IMMP2L: variants seen among roughly 807,000 people sequenced by gnomAD.
IMMP2L encodes the protein inner mitochondrial membrane peptidase subunit 2.
IMMP2L carries 18 observed loss-of-function variants against 19.3 expected under a neutral mutation model. That is an observed-to-expected ratio of 0.93 (90% CI 0.64 to 1.38). IMMP2L has a LOEUF of 1.38. Ranked by LOEUF, IMMP2L falls within the 40% of genes most tolerant of loss-of-function variation. The pLI is 0.00. For synonymous variants in IMMP2L, 76 were observed against 73.0 expected (o/e 1.04, Z -0.21); for missense variants, 233 against 218.2 (o/e 1.07, Z -0.43).
intron 5 of IMMP2L, among the ~76,000 whole-genome samples, chr7:110,738,721 C>T (rs1351525017): frequency 6.6e-6 from 1 of 152,180 alleles, no homozygotes; most frequent in African/African-American, 2.4e-5. Context: ...GCTCAAAGAA[C>T]ACCTGGGAAA....
intron 5 of IMMP2L, among the ~76,000 whole-genome samples, chr7:110,822,567 C>T (rs920978997): frequency 6.6e-6 from 1 of 152,132 alleles, no homozygotes; most frequent in Non-Finnish European, 1.5e-5. Flanking sequence ...ATTATCCATT[C>T]TTTCTTGTAC....
At chr7:111,357,405 A>C (rs1828826492) in intron 3 of IMMP2L, among the ~76,000 whole-genome samples, 1 of 152,164 alleles carries the variant, frequency 6.6e-6, no homozygotes. Context: ...TATAAAGTAG[A>C]ATTAACTATC....
chr7:110,807,785 T>C (rs1231627935), intron 5 of IMMP2L, among the ~76,000 whole-genome samples: 1 of 152,060 alleles, frequency 6.6e-6, no homozygotes, highest in African/African-American at 2.4e-5. Flanking sequence ...CAATTCTGTA[T>C]GCAAATCTTG....
At chr7:111,196,900 C>T (rs1472312391) in intron 3 of IMMP2L, among the ~76,000 whole-genome samples, 1 of 152,166 alleles carries the variant, frequency 6.6e-6, no homozygotes, top group African/African-American at 2.4e-5. Flanking sequence ...AATTGACTCA[C>T]TGGTTCTCAG....
chr7:110,860,100 A>C (rs546180391), intron 5 of IMMP2L, among the ~76,000 whole-genome samples: 1 of 152,118 alleles, frequency 6.6e-6, no homozygotes, highest in Admixed American at 6.6e-5. Context: ...GTAGAGATCA[A>C]CATCAATGGT....
At chr7:110,904,165 T>A (rs1054751348) in intron 4 of IMMP2L, among the ~76,000 whole-genome samples, 1 of 152,256 alleles carries the variant, frequency 6.6e-6, no homozygotes, top group African/African-American at 2.4e-5. Context: ...TAAGCCCAGA[T>A]ATATAGTTTG....
chr7:110,782,879 TAGAAAGATC>T (rs991936153), intron 5 of IMMP2L, among the ~76,000 whole-genome samples: 1 of 151,822 alleles, frequency 6.6e-6, no homozygotes, highest in Non-Finnish European at 1.5e-5. Flanking sequence ...GACAGGGATG[TAGAAAGATC>T]AGAAAAGATC....
At chr7:110,972,458 T>G (rs574818461) in intron 3 of IMMP2L, among the ~76,000 whole-genome samples, 2 of 152,078 alleles carry the variant, frequency 1.3e-5, no homozygotes, top group Non-Finnish European at 2.9e-5. Context: ...AGTATTACCT[T>G]TTTCCTTTCT....
intron 3 of IMMP2L, among the ~76,000 whole-genome samples, chr7:111,396,617 T>G (rs538030265): frequency 6.6e-6 from 1 of 152,136 alleles, no homozygotes; most frequent in African/African-American, 2.4e-5. Context: ...GTATACCTAT[T>G]TAACAAACCC....
intron 3 of IMMP2L, among the ~76,000 whole-genome samples, chr7:111,339,472 C>T (rs958045975): frequency 1.3e-5 from 2 of 151,858 alleles, no homozygotes; most frequent in African/African-American, 4.8e-5. Flanking sequence ...AGAACATACA[C>T]CTTGACATTA....
chr7:111,355,468 A>G (rs1173787016), intron 3 of IMMP2L, among the ~76,000 whole-genome samples: 1 of 151,738 alleles, frequency 6.6e-6, no homozygotes, highest in African/African-American at 2.4e-5. Flanking sequence ...CTTAATGTAT[A>G]GAATCTGTGT....
rs551012031 is a variant in IMMP2L at position 111,377,395 on chromosome 7, T to C, written c.239+109843A>G. ...CCCTCTATACTACAGCTCTGTAGTA[T>C]AGCATCCCTCTATAGTACAGCTCTA... On this transcript the variant is annotated intron_variant, in intron 3 of 5. Coordinates refer to ENST00000405709, the MANE Select transcript of IMMP2L (RefSeq NM_032549.4). 1.3e-3 allele frequency among the ~76,000 whole-genome samples: 191 copies of C among 152,072 alleles called. 1 individual carries two copies. The highest frequency in any genetic ancestry group is 2.2e-3 in the Non-Finnish European group (150 of 67,960).
chr7:111,431,659 T>A (rs1836648058), intron 3 of IMMP2L, among the ~76,000 whole-genome samples: 1 of 151,872 alleles, frequency 6.6e-6, no homozygotes, highest in Non-Finnish European at 1.5e-5. Flanking sequence ...TAATTGAAGA[T>A]CACAAAAGAA....
intron 3 of IMMP2L, among the ~76,000 whole-genome samples, chr7:111,445,799 G>A (rs368285437): frequency 6.6e-6 from 1 of 152,178 alleles, no homozygotes; most frequent in Non-Finnish European, 1.5e-5. Context: ...GAGGTACCGG[G>A]TTCATCTCAC....
In IMMP2L at chr7:111,077,189, T is replaced by C. The variant is rs755092019; in HGVS notation, c.240-113624A>G. On this transcript the variant is annotated intron_variant, in intron 3 of 5. Transcript: ENST00000405709. Reference sequence around the variant, plus strand: ...ACTGACTACTTCTTGGAATTTCTTGTTACAAATCTGAATCTCCCTTCAGGG... The same window carrying C: ...ACTGACTACTTCTTGGAATTTCTTGCTACAAATCTGAATCTCCCTTCAGGG... 2.6e-5 allele frequency among the ~76,000 whole-genome samples: 4 copies of C among 152,252 alleles called. No homozygotes were observed. In the East Asian group the frequency reaches 7.7e-4, roughly 29 times the overall value.
chr7:111,474,641 C>T (rs1320902357), intron 3 of IMMP2L, among the ~76,000 whole-genome samples: 1 of 152,020 alleles, frequency 6.6e-6, no homozygotes, highest in Non-Finnish European at 1.5e-5. Flanking sequence ...CCTCCCCTCA[C>T]TGATAATTGG....
At position 110,803,821 on chromosome 7, in the gene IMMP2L, A is replaced by G. The variant is rs1202507815; in HGVS notation, c.408+82772T>C. 1.3e-5 allele frequency among the ~76,000 whole-genome samples: 2 copies of G among 152,096 alleles called. No homozygotes were observed. The highest frequency in any genetic ancestry group is 2.9e-5 in the Non-Finnish European group (2 of 67,998). The stretch of plus-strand genomic sequence containing the variant: ...TTCAAAGTATGGTCCTGGAACCATC[A>G]GTATCTCAACACTTGGGGACTTGTT... On this transcript the variant is annotated intron_variant, in intron 5 of 5. Coordinates refer to ENST00000405709, the MANE Select transcript of IMMP2L (RefSeq NM_032549.4). The surrounding 1 kb of genome is among the most constrained non-coding windows in gnomAD (Gnocchi z 4.2).
chr7:110,823,002 G>A (rs73716456), intron 5 of IMMP2L, among the ~76,000 whole-genome samples: 13,124 of 151,912 alleles, frequency 0.086, 870 homozygotes, highest in African/African-American at 0.18. Flanking sequence ...TGTGTTGTTT[G>A]GCTCACTAAA....
chr7:111,223,747 T>C (rs1812773052), intron 3 of IMMP2L, among the ~76,000 whole-genome samples: 1 of 152,128 alleles, frequency 6.6e-6, no homozygotes, highest in African/African-American at 2.4e-5. Context: ...GAAAATTTCA[T>C]ACCTGGGTTG....
Sources: allele counts gnomAD v4.1 joint callset (sites outside exome capture counted in the v4.1 genomes callset), GRCh38; gene constraint gnomAD v4.1.1; non-coding constraint Gnocchi (gnomAD v3.1); transcripts MANE v1.5; gene names NCBI Gene and HGNC (gene_info 2026-07-23, HGNC 2026-07-21).